The following CA13 variants were observed in gnomAD, a reference collection of about 807,000 sequenced individuals.
The protein encoded by CA13 is CA-XIII.
Under a neutral mutation model 31.5 loss-of-function variants are expected in CA13, and 21 were observed. That is an observed-to-expected ratio of 0.67 (90% CI 0.47 to 0.96). The LOEUF (loss-of-function observed/expected upper bound fraction) is 0.96. CA13 is among the 40% of genes least tolerant of loss of function. The pLI, the probability that CA13 is intolerant of heterozygous loss-of-function variation, is 0.00. For synonymous variants in CA13, 117 were observed against 111.4 expected (o/e 1.05, Z -0.32); for missense variants, 315 against 318.9 (o/e 0.99, Z 0.09).
intron 6 of CA13, among the ~76,000 whole-genome samples, chr8:85,277,418 G>T (rs1255681917): frequency 1.3e-5 from 2 of 152,030 alleles, no homozygotes; most frequent in Non-Finnish European, 2.9e-5. Flanking sequence ...CCACCAGAAG[G>T]AGGAAACTCT....
intron 6 of CA13, among the ~76,000 whole-genome samples, chr8:85,280,134 G>A (rs1033257460): frequency 1.3e-5 from 2 of 152,128 alleles, no homozygotes; most frequent in African/African-American, 4.8e-5. Context: ...ACAAAAATTA[G>A]CTGGGTGCGG....
Position 85,266,643 on chromosome 8 carries a change from C to G in CA13, c.390C>G (p.Pro130=). 6.2e-7 allele frequency: 1 copy of G among 1,613,986 alleles called. No individual in the cohort carries two copies. The highest frequency in any genetic ancestry group is 8.5e-7 in the Non-Finnish European group (1 of 1,179,908). The change falls in exon 4 of 7, where the codon CCC becomes CCG. Residue 130 remains proline, a synonymous_variant. Coordinates refer to ENST00000321764, the MANE Select transcript of CA13 (RefSeq NM_198584.3). ...TTCACTGGAATTCAGACAAATACCC[C>G]AGCTTTGTTGAGGCAGCTCATGAAC... ...HVVHWNSDKY[P]SFVEAAHEPD...
intron 1 of CA13, chr8:85,246,651 C>G (rs1180455073): frequency 2.7e-6 from 1 of 369,184 alleles, no homozygotes; most frequent in African/African-American, 2.1e-5. Context: ...AAAAGTAAAA[C>G]ATTTTTTCTT....
chr8:85,260,217 A>G (rs1420904992), intron 3 of CA13, among the ~76,000 whole-genome samples: 1 of 152,188 alleles, frequency 6.6e-6, no homozygotes, highest in Non-Finnish European at 1.5e-5. Context: ...TGGATTAAAA[A>G]ATGCTCTACT....
chr8:85,261,395 C>T (rs1052353074), intron 3 of CA13, among the ~76,000 whole-genome samples: 3 of 152,034 alleles, frequency 2.0e-5, no homozygotes, highest in Admixed American at 6.6e-5. Context: ...TTAAGACATA[C>T]ATTTTTATGC....
At position 85,282,534 on chromosome 8, in the gene CA13, T is replaced by G. The variant is rs1269092464; in HGVS notation, c.*1185T>G. ...CAGCAAAGCAGGAAGCAATTTTGTG[T>G]GGGTCATTGTTCTGTCAATTTGTGG... is the stretch of plus-strand genomic sequence containing the variant. On this transcript the variant is annotated 3_prime_UTR_variant, in exon 7 of 7. Transcript: ENST00000321764. 3 of 152,274 alleles carry G rather than the reference T, an allele frequency of 2.0e-5. No homozygotes were observed. The highest frequency in any genetic ancestry group is 7.2e-5 in the African/African-American group (3 of 41,450). The allele number at this position is 152,274 out of a possible 1,614,324, so 9.4% of individuals were successfully genotyped here.
intron 6 of CA13, among the ~76,000 whole-genome samples, chr8:85,279,011 A>G (rs1467856388): frequency 1.3e-5 from 2 of 152,142 alleles, no homozygotes; most frequent in African/African-American, 4.8e-5. Context: ...TTTTATTATT[A>G]CTCAATTTTG....
intron 1 of CA13, among the ~76,000 whole-genome samples, chr8:85,247,142 A>G (rs1316625606): frequency 2.0e-5 from 3 of 152,206 alleles, no homozygotes; most frequent in Non-Finnish European, 4.4e-5. Flanking sequence ...CATTTTGCTA[A>G]TTTCCAGTGA....
At chr8:85,257,820 C>T (rs1807322593) in intron 2 of CA13, among the ~76,000 whole-genome samples, 1 of 145,376 alleles carries the variant, frequency 6.9e-6, no homozygotes, top group African/African-American at 2.5e-5. Flanking sequence ...TTTGTAGAGA[C>T]AGGGTTTCAT....
At chr8:85,277,395 C>G (rs1012355693) in intron 6 of CA13, among the ~76,000 whole-genome samples, 2 of 152,046 alleles carry the variant, frequency 1.3e-5, no homozygotes, top group South Asian at 4.2e-4. Flanking sequence ...CCTGAGCCAG[C>G]GAGACCATGA....
rs2130029185 is a variant in CA13, at chr8:85,283,744, C to G, written c.*2395C>G. The G allele has an allele frequency of 6.5e-6, 1 of 152,730 alleles. No homozygotes were observed. Among genetic ancestry groups the G allele is most frequent in the African/African-American group, 2.4e-5 (1 of 41,574 alleles). 9.5% of individuals were successfully genotyped at this position (152,730 alleles called of 1,614,324 possible). Reference sequence around the variant, plus strand: ...GTAGGACAGGGGTTCTAATTACTGTCTGTGAGAGTTACTACTTTGTAACTT... The same window carrying G: ...GTAGGACAGGGGTTCTAATTACTGTGTGTGAGAGTTACTACTTTGTAACTT... On this transcript the variant is annotated 3_prime_UTR_variant, in exon 7 of 7. Coordinates refer to ENST00000321764, the MANE Select transcript of CA13 (RefSeq NM_198584.3).
chr8:85,246,747 CTG>C (rs1813739386), intron 1 of CA13, among the ~76,000 whole-genome samples: 6 of 152,194 alleles, frequency 3.9e-5, no homozygotes, highest in Admixed American at 3.9e-4. Context: ...TAGTGAATAA[CTG>C]TCAAAATTAA....
chr8:85,250,174 A>G (rs1324757448), intron 1 of CA13, among the ~76,000 whole-genome samples: 1 of 152,184 alleles, frequency 6.6e-6, no homozygotes, highest in Non-Finnish European at 1.5e-5. Context: ...CTAGGTGAAA[A>G]ATTTGTGTGT....
Position 85,276,030 on chromosome 8 carries a change from G to A in CA13, c.670-5200G>A, listed in dbSNP as rs190940813. On this transcript the variant is annotated intron_variant, in intron 6 of 6. Transcript: ENST00000321764. ...CCTTTCTGGGCTGGCCAAGGCCGGA[G>A]CCGGCTCCCTCAGGTTGCTGGGAGG... 4.1e-3 allele frequency among the ~76,000 whole-genome samples: 624 copies of A among 152,338 alleles called. 3 individuals are homozygous for A. Among genetic ancestry groups the A allele is most frequent in the African/African-American group, 0.013 (558 of 41,578 alleles).
chr8:85,269,527 G>A (rs1807499577), intron 6 of CA13, among the ~76,000 whole-genome samples: 1 of 152,110 alleles, frequency 6.6e-6, no homozygotes, highest in Admixed American at 6.6e-5. Flanking sequence ...AAAGGGGAGG[G>A]GAATGAGAGG....
In CA13 at chr8:85,282,896, ATC is replaced by A. The variant is rs1471686765; in HGVS notation, c.*1553_*1554del. ...TTGATTTGGAAGATTTGTTTCTTTT[ATC>A]TCTCTTCCTCTGGATGTAGTTTTTT... On this transcript the variant is annotated 3_prime_UTR_variant, in exon 7 of 7. Coordinates refer to ENST00000321764, the MANE Select transcript of CA13 (RefSeq NM_198584.3). 1.3e-5 allele frequency: 2 copies of A among 150,740 alleles called. No individual in the cohort carries two copies. The highest frequency in any genetic ancestry group is 6.6e-5 in the Admixed American group (1 of 15,054). 9.3% of individuals were successfully genotyped at this position (150,740 alleles called of 1,614,324 possible).
Position 85,245,670 on chromosome 8 carries a change from C to T in CA13, c.-159C>T, listed in dbSNP as rs1276971418. ...CCGCACGCCTCTGCCGTCTGGAGGA[C>T]GCAGGCGGGAGCGCCCCGGACCGGG... On this transcript the variant is annotated 5_prime_UTR_variant, in exon 1 of 7. In the 5' UTR this introduces an upstream ATG that the reference lacks. Coordinates refer to ENST00000321764, the MANE Select transcript of CA13 (RefSeq NM_198584.3). The T allele has an allele frequency of 1.6e-5, 12 of 763,488 alleles. No individual in the cohort carries two copies. The Admixed American group carries it at 1.7e-4, about 11-fold the overall frequency. 47.3% of individuals were successfully genotyped at this position (763,488 alleles called of 1,614,324 possible).
At chr8:85,260,031 GA>G (rs1003121663) in intron 3 of CA13, among the ~76,000 whole-genome samples, 80 of 141,190 alleles carry the variant, frequency 5.7e-4, no homozygotes, top group African/African-American at 1.1e-3. Context: ...TTTCACTGAG[GA>G]AAAAAAAAAA....
At chr8:85,262,029 C>G (rs1447844793) in intron 3 of CA13, among the ~76,000 whole-genome samples, 1 of 152,282 alleles carries the variant, frequency 6.6e-6, no homozygotes, top group Admixed American at 6.5e-5. Context: ...TTTATAGAGA[C>G]AGAGTCTGGC....
Sources: gnomAD v4.1 joint callset for allele counts (sites outside exome capture counted in the v4.1 genomes callset) on GRCh38, gnomAD v4.1.1 for gene constraint, MANE v1.5 for transcripts, NCBI Gene and HGNC (gene_info 2026-07-23, HGNC 2026-07-21) for gene names.